Variants in PRKCE observed in about 807,000 individuals in gnomAD.
PRKCE encodes protein kinase C epsilon type.
In PRKCE, 16 loss-of-function variants were observed where a neutral mutation model predicts 85.4. The observed-to-expected ratio is 0.19, with a 90% CI of 0.13 to 0.28. PRKCE has a LOEUF of 0.28. Ranked by LOEUF, PRKCE falls within the 10% of genes least tolerant of loss-of-function variation. PRKCE has a pLI of 1.00. For synonymous variants in PRKCE, 388 were observed against 371.5 expected (o/e 1.04, Z -0.51); for missense variants, 573 against 975.2 (o/e 0.59, Z 5.49).
At chr2:46,160,651 C>T (rs1227839200) in intron 14 of PRKCE, among the ~76,000 whole-genome samples, 1 of 152,120 alleles carries the variant, frequency 6.6e-6, no homozygotes, top group African/African-American at 2.4e-5. Context: ...ACTGGGGTCC[C>T]AGGCAGGGAG....
At chr2:45,987,558 A>C (rs1156351700) in intron 6 of PRKCE, among the ~76,000 whole-genome samples, 1 of 152,134 alleles carries the variant, frequency 6.6e-6, no homozygotes, top group Non-Finnish European at 1.5e-5. Flanking sequence ...GAAAGTACAG[A>C]GAGTCCCTGT....
At chr2:45,818,736 T>G (rs910059399) in intron 1 of PRKCE, among the ~76,000 whole-genome samples, 1 of 152,208 alleles carries the variant, frequency 6.6e-6, no homozygotes, top group Admixed American at 6.5e-5. Flanking sequence ...GGTGGAGACC[T>G]GTTTTTGATC....
intron 1 of PRKCE, among the ~76,000 whole-genome samples, chr2:45,723,674 G>C (rs888103439): frequency 6.6e-6 from 1 of 152,046 alleles, no homozygotes; most frequent in Non-Finnish European, 1.5e-5. Context: ...GCGCGATCTC[G>C]GCTCACTGCA....
chr2:46,114,562 C>T (rs2104266793), intron 11 of PRKCE, among the ~76,000 whole-genome samples: 1 of 151,968 alleles, frequency 6.6e-6, no homozygotes, highest in African/African-American at 2.4e-5. Flanking sequence ...GGACTACAGG[C>T]ACCCGCCACC....
intron 10 of PRKCE, among the ~76,000 whole-genome samples, chr2:46,053,762 ACG>A (rs1666289372): frequency 3.6e-5 from 1 of 27,782 alleles, no homozygotes; most frequent in South Asian, 6.6e-4. Context: ...GTGGGTGGAC[ACG>A]TGGGTGGACA....
intron 10 of PRKCE, chr2:46,077,996 T>A (rs1668706922): frequency 6.6e-6 from 1 of 152,212 alleles, no homozygotes; most frequent in Non-Finnish European, 1.5e-5. Flanking sequence ...AATGGGGAAA[T>A]AAATTTGATT....
intron 1 of PRKCE, among the ~76,000 whole-genome samples, chr2:45,716,714 G>GA (rs1680154260): frequency 4.6e-5 from 3 of 64,702 alleles, no homozygotes; most frequent in Non-Finnish European, 1.1e-4. Context: ...AAGGAAGGAA[G>GA]GAAGGAAGGA....
At chr2:45,938,371 AATG>A (rs1699629578) in intron 2 of PRKCE, among the ~76,000 whole-genome samples, 1 of 152,160 alleles carries the variant, frequency 6.6e-6, no homozygotes, top group Non-Finnish European at 1.5e-5. Flanking sequence ...CACAGTTGAG[AATG>A]ATAAGTGACA....
At chr2:45,706,468 G>A (rs1679123495) in intron 1 of PRKCE, among the ~76,000 whole-genome samples, 2 of 152,168 alleles carry the variant, frequency 1.3e-5, no homozygotes, top group South Asian at 4.1e-4. Context: ...CAGGTCGGAG[G>A]AACTTGAAGC....
chr2:46,072,168 T>C (rs1668138419), intron 10 of PRKCE, among the ~76,000 whole-genome samples: 2 of 152,224 alleles, frequency 1.3e-5, no homozygotes, highest in East Asian at 3.8e-4. Context: ...TTATCTGTCA[T>C]CAAATGAAAG....
At chr2:45,653,367 G>GTTGTTTTTTT (rs1675218978) in intron 1 of PRKCE, among the ~76,000 whole-genome samples, 1 of 48,434 alleles carries the variant, frequency 2.1e-5, no homozygotes, top group Admixed American at 2.3e-4. Context: ...TTGTTTTTGG[G>GTTGTTTTTTT]TTGTTTTTTT....
intron 2 of PRKCE, among the ~76,000 whole-genome samples, chr2:45,929,966 A>G (rs1466676282): frequency 6.6e-6 from 1 of 152,238 alleles, no homozygotes; most frequent in Non-Finnish European, 1.5e-5. Context: ...GATGGCACCA[A>G]ATATATGCTT....
At chr2:45,708,947 T>C (rs1306339748) in intron 1 of PRKCE, among the ~76,000 whole-genome samples, 1 of 152,218 alleles carries the variant, frequency 6.6e-6, no homozygotes, top group African/African-American at 2.4e-5. Flanking sequence ...GTGTGGATAG[T>C]AGCACACAGT....
At chr2:46,169,885 G>T (rs925904011) in intron 14 of PRKCE, among the ~76,000 whole-genome samples, 1 of 152,192 alleles carries the variant, frequency 6.6e-6, no homozygotes, top group Admixed American at 6.5e-5. Flanking sequence ...AGTGAGCTAA[G>T]GGGAAGTGTT....
chr2:45,976,781 G>C (rs565011491), intron 3 of PRKCE, among the ~76,000 whole-genome samples, 193 bp downstream of exon 3: 1 of 152,130 alleles, frequency 6.6e-6, no homozygotes, highest in Non-Finnish European at 1.5e-5. Flanking sequence ...GGAAAGAAGC[G>C]ATGGTTTCTG....
intron 1 of PRKCE, among the ~76,000 whole-genome samples, chr2:45,839,477 A>G (rs1691170636): frequency 1.3e-5 from 2 of 152,240 alleles, no homozygotes. Context: ...TTGATAAATT[A>G]GGTTGCATCT....
intron 10 of PRKCE, among the ~76,000 whole-genome samples, chr2:46,061,177 AG>A (rs1382141603): frequency 3.0e-5 from 4 of 133,906 alleles, no homozygotes; most frequent in African/African-American, 8.7e-5. Context: ...TGGCATGATC[AG>A]GGCTCGCTGC....
In PRKCE at chr2:45,786,312, G is replaced by C. The variant is rs1686599213; in HGVS notation, c.349-56688G>C. Among the ~76,000 whole-genome samples, 1 of 152,114 alleles carries C rather than the reference G, an allele frequency of 6.6e-6. No homozygotes were observed. Among genetic ancestry groups the C allele is most frequent in the Non-Finnish European group, 1.5e-5 (1 of 68,022 alleles). On this transcript the variant is annotated intron_variant, in intron 1 of 14. Transcript: ENST00000306156. The surrounding 1 kb of genome is among the most constrained non-coding windows in gnomAD (Gnocchi z 5.3). ...AGTAGAATTCATCCCAAGTTTCCAG[G>C]AGGAGTTACAATGAAGAGACAGTTC...
At chr2:46,177,663 A>G (rs1384044509) in intron 14 of PRKCE, among the ~76,000 whole-genome samples, 1 of 152,228 alleles carries the variant, frequency 6.6e-6, no homozygotes. Flanking sequence ...TTACGTCTGC[A>G]AAGAACTTAT....
Sources: gnomAD v4.1 joint callset for allele counts (sites outside exome capture counted in the v4.1 genomes callset) on GRCh38, gnomAD v4.1.1 for gene constraint, Gnocchi (gnomAD v3.1) non-coding constraint, MANE v1.5 for transcripts, NCBI Gene and HGNC (gene_info 2026-07-23, HGNC 2026-07-21) for gene names.